The following SLC2A13 variants were observed in gnomAD, a reference collection of about 807,000 sequenced individuals.
SLC2A13 encodes the protein solute carrier family 2 member 13.
Under a neutral mutation model 64.4 loss-of-function variants are expected in SLC2A13, and 32 were observed. That is an observed-to-expected ratio of 0.50 (90% CI 0.37 to 0.67). SLC2A13 has a LOEUF of 0.67. Among genes scored for constraint, SLC2A13 ranks in the 30% least tolerant of loss-of-function variants. SLC2A13 has a pLI of 0.00. For missense variants in SLC2A13, 743 were observed against 829.2 expected (o/e 0.90, Z 1.28); for synonymous variants, 338 against 327.1 (o/e 1.03, Z -0.36).
chr12:40,105,121 G>C lies in SLC2A13; in HGVS notation c.556+132C>G. 3.6e-6 allele frequency: 5 copies of C among 1,400,996 alleles called. No homozygotes were observed. The highest frequency in any genetic ancestry group is 4.6e-6 in the Non-Finnish European group (5 of 1,083,282). 86.8% of individuals were successfully genotyped at this position (1,400,996 alleles called of 1,614,324 possible). On this transcript the variant is annotated intron_variant, in intron 1 of 9. Coordinates refer to ENST00000280871, the MANE Select transcript of SLC2A13 (RefSeq NM_052885.4). This position sits in a 1 kb window ranked among gnomAD's most constrained non-coding sequence, Gnocchi z 4.2. ...ACCAACAAACAGATGGGCTCTGGAG[G>C]CCAGAGAAGTGGAGGATTCTCTGAC... is the stretch of plus-strand genomic sequence containing the variant.
intron 3 of SLC2A13, among the ~76,000 whole-genome samples, chr12:40,019,017 T>C (rs186286103): frequency 1.4e-3 from 215 of 152,302 alleles, no homozygotes; most frequent in Middle Eastern, 6.8e-3. Context: ...GAGAGGGACA[T>C]GATCCTGTCT....
intron 4 of SLC2A13, among the ~76,000 whole-genome samples, chr12:39,898,906 A>C (rs1945001450): frequency 6.6e-6 from 1 of 152,212 alleles, no homozygotes; most frequent in Non-Finnish European, 1.5e-5. Context: ...AGAAAAAGGA[A>C]AGGAGAGAAG....
chr12:39,864,476 C>T (rs1311955343), intron 6 of SLC2A13, among the ~76,000 whole-genome samples: 1 of 152,132 alleles, frequency 6.6e-6, no homozygotes, highest in Non-Finnish European at 1.5e-5. Flanking sequence ...TTTCTGAATT[C>T]CTGCTTAGAT....
intron 4 of SLC2A13, among the ~76,000 whole-genome samples, chr12:39,929,749 A>G (rs1156938542): frequency 2.6e-5 from 4 of 151,062 alleles, no homozygotes; most frequent in African/African-American, 9.7e-5. Flanking sequence ...ATTAGGTTTA[A>G]CTGTAAAGGA....
At chr12:39,825,545 A>G (rs10784118) in intron 7 of SLC2A13, among the ~76,000 whole-genome samples, 104,386 of 151,974 alleles carry the variant, frequency 0.69, 36,371 homozygotes, top group African/African-American at 0.79. Context: ...GAGGTTCGGA[A>G]TTGGTTCTGG....
intron 3 of SLC2A13, 31 bp downstream of exon 3, chr12:40,028,270 T>C: frequency 3.2e-6 from 5 of 1,554,034 alleles, no homozygotes; most frequent in Non-Finnish European, 4.4e-6. Context: ...TGTATAGTTT[T>C]TAAATTCATA....
intron 7 of SLC2A13, among the ~76,000 whole-genome samples, chr12:39,804,426 AAG>A (rs2135791636): frequency 6.6e-6 from 1 of 152,304 alleles, no homozygotes; most frequent in Non-Finnish European, 1.5e-5. Flanking sequence ...TCATAATGGT[AAG>A]AGTTTAACAT....
intron 4 of SLC2A13, chr12:39,951,017 G>T: frequency 2.4e-6 from 1 of 417,972 alleles, no homozygotes; most frequent in South Asian, 8.6e-5. Context: ...TGGCGTAAAA[G>T]AGAAATTTTA....
At position 39,925,890 on chromosome 12, in the gene SLC2A13, A is replaced by C. The variant is rs563297950; in HGVS notation, c.1034+25367T>G. On this transcript the variant is annotated intron_variant, in intron 4 of 9. Coordinates refer to ENST00000280871, the MANE Select transcript of SLC2A13 (RefSeq NM_052885.4). ...TCCCCAGTAATACAGAGCTTAATAT[A>C]AAATAAACAATTTTCCTTCTTTGTC... Among the ~76,000 whole-genome samples, 200 of 152,318 alleles carry C rather than the reference A, an allele frequency of 1.3e-3. 1 individual carries two copies. The highest frequency in any genetic ancestry group is 1.1e-3 in the Non-Finnish European group (72 of 68,016).
At chr12:39,905,832 A>AAAC (rs945554090) in intron 4 of SLC2A13, among the ~76,000 whole-genome samples, 5 of 151,536 alleles carry the variant, frequency 3.3e-5, no homozygotes, top group African/African-American at 9.7e-5. Context: ...GAAAAAAAAA[A>AAAC]AAACTACACT....
At chr12:39,875,993 G>C (rs2135948059) in intron 4 of SLC2A13, among the ~76,000 whole-genome samples, 1 of 152,252 alleles carries the variant, frequency 6.6e-6, no homozygotes, top group South Asian at 2.1e-4. Flanking sequence ...AACTGAAAAA[G>C]GCTTTCTTTC....
intron 3 of SLC2A13, among the ~76,000 whole-genome samples, chr12:40,020,960 A>G (rs1947704768): frequency 6.6e-6 from 1 of 151,730 alleles, no homozygotes; most frequent in Non-Finnish European, 1.5e-5. Flanking sequence ...TTAAATACAG[A>G]GCAGTAAAAT....
intron 7 of SLC2A13, among the ~76,000 whole-genome samples, chr12:39,773,884 G>A (rs892850347): frequency 1.4e-4 from 22 of 152,282 alleles, no homozygotes; most frequent in African/African-American, 2.6e-4. Context: ...ACTACAGTTC[G>A]TGTGACACAT....
chr12:39,898,203 A>G (rs1174973162), intron 4 of SLC2A13, among the ~76,000 whole-genome samples: 3 of 152,152 alleles, frequency 2.0e-5, no homozygotes, highest in African/African-American at 7.2e-5. Context: ...GATGGGTTTA[A>G]TGTCTCTTTT....
intron 2 of SLC2A13, among the ~76,000 whole-genome samples, chr12:40,040,608 T>G (rs1228614330): frequency 6.6e-6 from 1 of 152,176 alleles, no homozygotes; most frequent in Non-Finnish European, 1.5e-5. Context: ...GGCAGGGTGG[T>G]CTCGAACTCC....
At chr12:40,030,795 T>C (rs1376790140) in intron 2 of SLC2A13, among the ~76,000 whole-genome samples, 2 of 151,996 alleles carry the variant, frequency 1.3e-5, no homozygotes, top group East Asian at 3.9e-4. Flanking sequence ...TACAGACATA[T>C]ATATTAGCCT....
At chr12:39,895,489 C>CA (rs71075094) in intron 4 of SLC2A13, among the ~76,000 whole-genome samples, 10 of 36,740 alleles carry the variant, frequency 2.7e-4, no homozygotes, top group African/African-American at 6.4e-4. Flanking sequence ...GACTCTGTCT[C>CA]AAAAAAAAAA....
chr12:39,774,559 C>CT (rs1201603059), intron 7 of SLC2A13, among the ~76,000 whole-genome samples: 2 of 147,972 alleles, frequency 1.4e-5, no homozygotes, highest in African/African-American at 5.0e-5. Flanking sequence ...AAATCCTGCC[C>CT]TTGAATGATT....
chr12:40,047,919 A>C lies in SLC2A13; in HGVS notation c.716+132T>G, dbSNP rs112586491. 393 of 790,792 alleles carry C rather than the reference A, an allele frequency of 5.0e-4. 1 individual carries two copies. In the African/African-American group the frequency reaches 6.0e-3, roughly 12 times the overall value. 49.0% of individuals were successfully genotyped at this position (790,792 alleles called of 1,614,324 possible). On this transcript the variant is annotated intron_variant, in intron 2 of 9. Coordinates refer to ENST00000280871, the MANE Select transcript of SLC2A13 (RefSeq NM_052885.4). Reference sequence around the variant, plus strand: ...TTCCTGTCCACTCTCAGTTTTGCTGAATGTCACCTACTTATAAATTAGCAA... The same window carrying C: ...TTCCTGTCCACTCTCAGTTTTGCTGCATGTCACCTACTTATAAATTAGCAA...
Sources: allele counts gnomAD v4.1 joint callset (sites outside exome capture counted in the v4.1 genomes callset), GRCh38; gene constraint gnomAD v4.1.1; non-coding constraint Gnocchi (gnomAD v3.1); transcripts MANE v1.5; gene names NCBI Gene and HGNC (gene_info 2026-07-23, HGNC 2026-07-21).